Variants in PACRG observed in about 807,000 individuals in gnomAD.
PACRG encodes parkin coregulated gene protein.
A neutral mutation model predicts 29.7 loss-of-function variants in PACRG; 29 were observed. The ratio of observed to expected loss-of-function variants is 0.98; its 90% CI spans 0.73 to 1.33. PACRG has a LOEUF of 1.33. Ranked by LOEUF, PACRG falls within the 40% of genes most tolerant of loss-of-function variation. The pLI, the probability that PACRG is intolerant of heterozygous loss-of-function variation, is 0.00. For synonymous variants in PACRG, 116 were observed against 118.7 expected (o/e 0.98, Z 0.15); for missense variants, 279 against 316.2 (o/e 0.88, Z 0.89).
intron 1 of PACRG, among the ~76,000 whole-genome samples, chr6:162,810,141 G>T (rs1786718903): frequency 6.6e-6 from 1 of 152,070 alleles, no homozygotes; most frequent in Non-Finnish European, 1.5e-5. Flanking sequence ...AGGCCTAGTG[G>T]GTTCTGGAAT....
At position 163,178,960 on chromosome 6, in the gene PACRG, C is replaced by G. The variant is rs367874008; in HGVS notation, c.613+89552C>G. Among the ~76,000 whole-genome samples, 13 of 152,274 alleles carry G rather than the reference C, an allele frequency of 8.5e-5. 2 individuals carry two copies. In the East Asian group the frequency reaches 1.3e-3, roughly 16 times the overall value. ...ACAATTCCTATTCGGGTTGATAGAG[C>G]TCTTTCTTTAAAAAGGCTGAATTTT... On this transcript the variant is annotated intron_variant, in intron 4 of 4. Coordinates refer to ENST00000366888, the MANE Select transcript of PACRG (RefSeq NM_001080379.2).
intron 2 of PACRG, among the ~76,000 whole-genome samples, chr6:163,034,929 GT>G (rs1175456242): frequency 2.0e-5 from 3 of 152,244 alleles, no homozygotes; most frequent in African/African-American, 7.2e-5. Context: ...CGTGAGGGCT[GT>G]TGGTTGCCCA....
intron 4 of PACRG, among the ~76,000 whole-genome samples, chr6:163,250,104 T>A (rs1247773121): frequency 6.6e-6 from 1 of 152,246 alleles, no homozygotes; most frequent in Non-Finnish European, 1.5e-5. Context: ...ATCATCACAT[T>A]GTCCATTGCA....
chr6:163,150,135 A>G (rs1004434814), intron 4 of PACRG, among the ~76,000 whole-genome samples: 5 of 152,202 alleles, frequency 3.3e-5, no homozygotes, highest in African/African-American at 4.8e-5. Flanking sequence ...TCTACCTCGC[A>G]GGCTGTGGAG....
At chr6:162,922,308 C>A (rs1239399550) in intron 2 of PACRG, among the ~76,000 whole-genome samples, 1 of 149,372 alleles carries the variant, frequency 6.7e-6, no homozygotes, top group Non-Finnish European at 1.5e-5. Context: ...ATCCTCCAGA[C>A]CTCCCTTTCC....
At chr6:163,179,943 G>A (rs766368047) in intron 4 of PACRG, among the ~76,000 whole-genome samples, 9 of 152,210 alleles carry the variant, frequency 5.9e-5, no homozygotes, top group Non-Finnish European at 1.2e-4. Flanking sequence ...CAGTGTCCCA[G>A]CCGAGCCCTC....
At chr6:163,185,847 T>C (rs1476512650) in intron 4 of PACRG, among the ~76,000 whole-genome samples, 1 of 152,190 alleles carries the variant, frequency 6.6e-6, no homozygotes, top group Non-Finnish European at 1.5e-5. Context: ...CAGCAGGTTG[T>C]GCATCGGGAG....
chr6:163,286,729 CA>C (rs1248556031), intron 4 of PACRG, among the ~76,000 whole-genome samples: 1 of 152,142 alleles, frequency 6.6e-6, no homozygotes, highest in East Asian at 1.9e-4. Flanking sequence ...TCCTGCTCCC[CA>C]AAAGGCTTTT....
At chr6:163,129,359 A>G (rs540123121) in intron 4 of PACRG, among the ~76,000 whole-genome samples, 6 of 152,342 alleles carry the variant, frequency 3.9e-5, no homozygotes, top group Non-Finnish European at 5.9e-5. Context: ...GACTTCATCC[A>G]TGAGATGGCA....
intron 2 of PACRG, among the ~76,000 whole-genome samples, chr6:162,913,680 AGC>A (rs1374754391): frequency 1.3e-5 from 2 of 152,174 alleles, no homozygotes; most frequent in Non-Finnish European, 2.9e-5. Context: ...TTCCACTAGC[AGC>A]GTTTGAGAGT....
intron 2 of PACRG, among the ~76,000 whole-genome samples, chr6:162,926,564 A>G (rs1220597216): frequency 6.6e-6 from 1 of 152,140 alleles, no homozygotes; most frequent in African/African-American, 2.4e-5. Context: ...AGGATTCCCT[A>G]TTTAACAAGT....
intron 2 of PACRG, among the ~76,000 whole-genome samples, chr6:162,886,043 A>C (rs1794307216): frequency 6.6e-6 from 1 of 152,054 alleles, no homozygotes; most frequent in Non-Finnish European, 1.5e-5. Flanking sequence ...CAGATCACAC[A>C]TTACATTTAT....
chr6:162,961,282 C>A (rs1800595293), intron 2 of PACRG, among the ~76,000 whole-genome samples: 1 of 152,172 alleles, frequency 6.6e-6, no homozygotes, highest in African/African-American at 2.4e-5. Context: ...AGGAAGCTGT[C>A]TAGAGGAAGA....
chr6:163,026,980 C>T (rs564144792), intron 2 of PACRG, among the ~76,000 whole-genome samples: 4 of 152,288 alleles, frequency 2.6e-5, no homozygotes, highest in East Asian at 1.9e-4. Context: ...TTCTGAGCAA[C>T]GTGGATATGC....
intron 2 of PACRG, among the ~76,000 whole-genome samples, chr6:163,049,878 T>G (rs75039464): frequency 0.036 from 5,436 of 152,174 alleles, 120 homozygotes; most frequent in Non-Finnish European, 0.054. Flanking sequence ...CTTGGCAATA[T>G]GTATCAAAAT....
At chr6:162,974,164 T>A (rs904228304) in intron 2 of PACRG, among the ~76,000 whole-genome samples, 6 of 151,832 alleles carry the variant, frequency 4.0e-5, no homozygotes, top group African/African-American at 1.5e-4. Context: ...GCTCAAGTAT[T>A]TCAGTTTCAA....
At chr6:162,877,199 C>T (rs145351690) in intron 2 of PACRG, among the ~76,000 whole-genome samples, 1,675 of 152,118 alleles carry the variant, frequency 0.011, 14 homozygotes, top group Non-Finnish European at 0.018. Context: ...TGCCCATCAG[C>T]GATAGACTAG....
At chr6:162,951,299 G>A (rs568924513) in intron 2 of PACRG, among the ~76,000 whole-genome samples, 4 of 152,302 alleles carry the variant, frequency 2.6e-5, no homozygotes, top group South Asian at 2.1e-4. Context: ...ATTGAAACTC[G>A]CTTAGTTCTT....
rs1782673110 is a variant in PACRG at position 163,245,794 on chromosome 6, G to T, written c.614-69033G>T. On this transcript the variant is annotated intron_variant, in intron 4 of 4. Coordinates refer to ENST00000366888, the MANE Select transcript of PACRG (RefSeq NM_001080379.2). ...GGCGCTCAAGACAACTCTTGACTCG[G>T]TCTCCGGGCATTTTCTGCCCCTACT... Among the ~76,000 whole-genome samples, 6 of 152,102 alleles carry T rather than the reference G, an allele frequency of 3.9e-5. No homozygotes were observed. The South Asian group carries it at 1.2e-3, about 32-fold the overall frequency.
Sources: allele counts gnomAD v4.1 joint callset (sites outside exome capture counted in the v4.1 genomes callset), GRCh38; gene constraint gnomAD v4.1.1; transcripts MANE v1.5; gene names NCBI Gene and HGNC (gene_info 2026-07-23, HGNC 2026-07-21).